The following RRP12 variants were observed in gnomAD, a reference collection of about 807,000 sequenced individuals.
The protein encoded by RRP12 is ribosomal RNA processing 12 homolog.
In RRP12, 78 loss-of-function variants were observed where a neutral mutation model predicts 157.3. The ratio of observed to expected loss-of-function variants is 0.50; its 90% CI spans 0.41 to 0.60. RRP12 has a LOEUF of 0.60. Ranked by LOEUF, RRP12 falls within the 20% of genes least tolerant of loss-of-function variation. The pLI, the probability that RRP12 is intolerant of heterozygous loss-of-function variation, is 0.00. For missense variants in RRP12, 1,521 were observed against 1,679.9 expected, an observed-to-expected ratio of 0.91 and a Z score of 1.65; for synonymous variants, 726 against 670.9, an observed-to-expected ratio of 1.08 and a Z score of -1.27.
At chr10:97,381,335 C>T in intron 12 of RRP12, 51 bp downstream of exon 12, 1 of 1,373,086 alleles carries the variant, frequency 7.3e-7, no homozygotes, top group South Asian at 1.3e-5. Context: ...TTATATAGAA[C>T]TTTCCTCAAG....
At chr10:97,372,216 G>A (rs372371972) in intron 19 of RRP12, 50 bp from the exon 20 acceptor site, 192 of 1,442,350 alleles carry the variant, frequency 1.3e-4, no homozygotes, top group Admixed American at 1.9e-4. Context: ...GGAGAAGGGC[G>A]CAGACTACCA....
intron 2 of RRP12, among the ~76,000 whole-genome samples, chr10:97,399,622 A>G (rs1845080595): frequency 6.6e-6 from 1 of 152,108 alleles, no homozygotes; most frequent in African/African-American, 2.4e-5. Context: ...TAGGAGGCCA[A>G]GGTGGGCGGA....
chr10:97,379,889 G>T, intron 13 of RRP12, 119 bp from the exon 14 acceptor site: 1 of 954,856 alleles, frequency 1.0e-6, no homozygotes, highest in Non-Finnish European at 1.5e-6. Context: ...ACACCAGAGG[G>T]TACAGACTGA....
chr10:97,360,738 C>T (rs555938148), intron 30 of RRP12, 120 bp from the exon 31 acceptor site: 17 of 753,756 alleles, frequency 2.3e-5, no homozygotes, highest in African/African-American at 1.5e-4. Context: ...CTAAGCACCC[C>T]ACCTCTCACT....
chr10:97,373,239 G>A, intron 17 of RRP12, 39 bp from the exon 18 acceptor site: 1 of 1,598,396 alleles, frequency 6.3e-7, no homozygotes, highest in Non-Finnish European at 8.6e-7. Context: ...AGGCACAGGA[G>A]CTGACTGTGC....
intron 26 of RRP12, 48 bp from the exon 27 acceptor site, chr10:97,366,957 C>A: frequency 6.2e-7 from 1 of 1,609,190 alleles, no homozygotes; most frequent in Non-Finnish European, 8.5e-7. Flanking sequence ...CCAGACAGCA[C>A]GACCCAGATG....
intron 30 of RRP12, among the ~76,000 whole-genome samples, chr10:97,363,575 G>C (rs11817846): frequency 0.22 from 33,260 of 152,106 alleles, 4,088 homozygotes; most frequent in Non-Finnish European, 0.27. Flanking sequence ...CCCCATGCAG[G>C]AGCACACAGG....
At chr10:97,372,972 A>G in intron 18 of RRP12, 74 bp downstream of exon 18, 1 of 1,497,316 alleles carries the variant, frequency 6.7e-7, no homozygotes, top group Non-Finnish European at 9.1e-7. Flanking sequence ...CCTGGTGGGT[A>G]GGGTCTCGGC....
In RRP12 at chr10:97,396,252, C is replaced by A; in HGVS notation, c.419G>T (p.Gly140Val). 1 of 1,613,794 alleles carries A rather than the reference C, an allele frequency of 6.2e-7. No homozygotes were observed. Among genetic ancestry groups the A allele is most frequent in the Non-Finnish European group, 8.5e-7 (1 of 1,179,748 alleles). ...AVTEVIRSQG[G>V]KETETEYFAA... Reference sequence around the variant, plus strand: ...GAAGTACTCAGTCTCCGTCTCCTTCCCTCCCTGGGAGCGAATCACCTCAGT... The same window carrying A: ...GAAGTACTCAGTCTCCGTCTCCTTCACTCCCTGGGAGCGAATCACCTCAGT... Residue 140 changes from glycine (G) to valine (V), a missense_variant, in exon 3 of 34, where the codon GGG becomes GTG. Gly to Val is a moderately radical substitution (Grantham distance 109). Transcript: ENST00000370992.
At chr10:97,400,857 G>A (rs1845125555) in intron 1 of RRP12, among the ~76,000 whole-genome samples, 2 of 152,194 alleles carry the variant, frequency 1.3e-5, no homozygotes, top group Admixed American at 1.3e-4. Context: ...CAAGCCATCT[G>A]TCTCAACTCT....
chr10:97,370,594 T>A, intron 22 of RRP12, 34 bp from the exon 23 acceptor site: 1 of 1,589,660 alleles, frequency 6.3e-7, no homozygotes, highest in Non-Finnish European at 8.6e-7. Context: ...ATCTGCTCCC[T>A]GAGCCATCTG....
intron 10 of RRP12, among the ~76,000 whole-genome samples, chr10:97,383,366 G>A (rs1238730711): frequency 1.3e-5 from 2 of 152,210 alleles, no homozygotes; most frequent in Non-Finnish European, 2.9e-5. Flanking sequence ...TGTGTGACTA[G>A]CTCACTCACA....
intron 13 of RRP12, among the ~76,000 whole-genome samples, chr10:97,380,183 C>G (rs1844427440): frequency 6.6e-6 from 1 of 152,196 alleles, no homozygotes; most frequent in Non-Finnish European, 1.5e-5. Flanking sequence ...CCAAACTGGT[C>G]AACCTAATTT....
At chr10:97,394,782 G>A (rs1036867129) in intron 3 of RRP12, among the ~76,000 whole-genome samples, 1 of 152,104 alleles carries the variant, frequency 6.6e-6, no homozygotes, top group East Asian at 1.9e-4. Context: ...AAATATTTTC[G>A]GCTTTGCATG....
At chr10:97,390,928 G>A (rs1229804840) in intron 4 of RRP12, 84 bp from the exon 5 acceptor site, 5 of 883,460 alleles carry the variant, frequency 5.7e-6, no homozygotes, top group Non-Finnish European at 9.6e-6. Flanking sequence ...AGGAGGACAG[G>A]GCAAGGGGCG....
In RRP12 at chr10:97,373,811, TC is replaced by T. The variant is rs1385734417; in HGVS notation, c.1863+18del. The T allele has an allele frequency of 2.5e-6, 4 of 1,612,784 alleles. No individual in the cohort carries two copies. In the Middle Eastern group the frequency reaches 4.9e-4, roughly 199 times the overall value. On this transcript the variant is annotated intron_variant, in intron 16 of 33. Transcript: ENST00000370992. Reference sequence around the variant, plus strand: ...CCCCTGTGTGCTTCTCCCCACGCCCTCCCCCAGCTGACCCTTACCTGCCACT... The same window carrying T: ...CCCCTGTGTGCTTCTCCCCACGCCCTCCCCAGCTGACCCTTACCTGCCACT...
At chr10:97,361,836 C>T (rs746543199) in intron 30 of RRP12, among the ~76,000 whole-genome samples, 1 of 152,128 alleles carries the variant, frequency 6.6e-6, no homozygotes, top group Non-Finnish European at 1.5e-5. Context: ...TGGCCGGGCC[C>T]GGTGGCTCAC....
chr10:97,386,021 G>A (rs1564764363), intron 8 of RRP12, 28 bp from the exon 9 acceptor site: 1 of 1,493,026 alleles, frequency 6.7e-7, no homozygotes, highest in East Asian at 2.4e-5. Context: ...GGCTTAGAAA[G>A]GAACTACAAA....
intron 2 of RRP12, among the ~76,000 whole-genome samples, chr10:97,397,144 G>C (rs1844986947): frequency 6.6e-6 from 1 of 151,930 alleles, no homozygotes; most frequent in South Asian, 2.1e-4. Context: ...TTGTTATACT[G>C]TATTTTTGTT....
Sources: gnomAD v4.1 joint callset for allele counts (sites outside exome capture counted in the v4.1 genomes callset) on GRCh38, gnomAD v4.1.1 for gene constraint, MANE v1.5 for transcripts, NCBI Gene and HGNC (gene_info 2026-07-23, HGNC 2026-07-21) for gene names.